The following TRPM3 variants were observed in gnomAD, a reference collection of about 807,000 sequenced individuals.
TRPM3 encodes long transient receptor potential channel 3.
TRPM3 carries 77 observed loss-of-function variants against 181.2 expected under a neutral mutation model. The observed-to-expected ratio is 0.42, with a 90% CI of 0.35 to 0.51. The LOEUF (loss-of-function observed/expected upper bound fraction) is 0.51. Among genes scored for constraint, TRPM3 ranks in the 20% least tolerant of loss-of-function variants. The probability of loss-of-function intolerance (pLI) is 0.01; values close to 1 mark genes in which losing one functional copy is unlikely to be tolerated. For synonymous variants in TRPM3, 745 were observed against 796.4 expected (o/e 0.94, Z 1.09); for missense variants, 1,759 against 2,196.7 (o/e 0.80, Z 3.98).
At chr9:71,172,025 A>G (rs2076888190) in intron 1 of TRPM3, among the ~76,000 whole-genome samples, 1 of 151,994 alleles carries the variant, frequency 6.6e-6, no homozygotes, top group African/African-American at 2.4e-5. Flanking sequence ...CAGCCTCCCA[A>G]GTAGCTGGGA....
At chr9:70,937,193 T>C (rs776323991) in intron 1 of TRPM3, among the ~76,000 whole-genome samples, 4 of 152,190 alleles carry the variant, frequency 2.6e-5, no homozygotes, top group Non-Finnish European at 5.9e-5. Flanking sequence ...TCAAAGTAGC[T>C]AGTTAAAATG....
chr9:70,625,119 A>C lies in TRPM3; in HGVS notation c.1809+72T>G, dbSNP rs907101200. 1.3e-6 allele frequency: 2 copies of C among 1,546,564 alleles called. No individual in the cohort carries two copies. The highest frequency in any genetic ancestry group is 1.8e-6 in the Non-Finnish European group (2 of 1,139,156). On this transcript the variant is annotated intron_variant, in intron 14 of 25. Transcript: ENST00000677713. The surrounding 1 kb of genome is among the most constrained non-coding windows in gnomAD (Gnocchi z 4.8). ...CTGATTTTAATTCCCCTTGGAGACAAAGAAGCCACAACCCAAATCCCATAC... is the reference window on the plus strand; with the variant it reads ...CTGATTTTAATTCCCCTTGGAGACACAGAAGCCACAACCCAAATCCCATAC...
At chr9:70,994,863 T>C (rs2097527526) in intron 1 of TRPM3, among the ~76,000 whole-genome samples, 1 of 152,232 alleles carries the variant, frequency 6.6e-6, no homozygotes, top group South Asian at 2.1e-4. Context: ...AGTTTATTTA[T>C]CCCTGCTGAT....
intron 24 of TRPM3, among the ~76,000 whole-genome samples, chr9:70,551,324 C>T (rs2046396024): frequency 6.6e-6 from 1 of 152,186 alleles, no homozygotes; most frequent in Non-Finnish European, 1.5e-5. Flanking sequence ...CACCCTTTTC[C>T]ACCCAGCCAC....
chr9:71,163,034 T>C (rs1325186042), intron 1 of TRPM3, among the ~76,000 whole-genome samples: 1 of 152,152 alleles, frequency 6.6e-6, no homozygotes, highest in African/African-American at 2.4e-5. Flanking sequence ...AGTGAAAGAA[T>C]AAATGTTAGG....
chr9:70,535,636 T>G lies in TRPM3; in HGVS notation c.*317A>C. The G allele has an allele frequency of 6.9e-7, 1 of 1,454,556 alleles. No homozygotes were observed. The highest frequency in any genetic ancestry group is 9.0e-7 in the Non-Finnish European group (1 of 1,111,048). The allele number at this position is 1,454,556 out of a possible 1,614,324, so 90.1% of individuals were successfully genotyped here. A position where few individuals can be genotyped will look rare whatever the true frequency, so the allele number is the denominator to read the frequency against. ...ATGGAGCGTGCTCGAAGCCCCTTGT[T>G]TCCCCTGCTCTCATGGCTTTCTGCT... On this transcript the variant is annotated 3_prime_UTR_variant, in exon 26 of 26. Transcript: ENST00000677713.
At chr9:71,242,227 G>A (rs2081744820) in intron 1 of TRPM3, among the ~76,000 whole-genome samples, 1 of 152,182 alleles carries the variant, frequency 6.6e-6, no homozygotes, top group South Asian at 2.1e-4. Context: ...TTAAATCAAA[G>A]TACCTCCAGC....
chr9:71,079,158 C>CA (rs1175887023), intron 1 of TRPM3, among the ~76,000 whole-genome samples: 1 of 152,162 alleles, frequency 6.6e-6, no homozygotes, highest in Non-Finnish European at 1.5e-5. Context: ...CCAAACATCT[C>CA]AAAGGAGAGA....
intron 1 of TRPM3, among the ~76,000 whole-genome samples, chr9:71,325,708 T>G (rs2089630404): frequency 6.6e-6 from 1 of 152,042 alleles, no homozygotes; most frequent in South Asian, 2.1e-4. Flanking sequence ...CCCTTCTTTC[T>G]TCTCAACGAT....
At chr9:71,101,928 A>G (rs1471352348) in intron 1 of TRPM3, among the ~76,000 whole-genome samples, 5 of 152,194 alleles carry the variant, frequency 3.3e-5, no homozygotes, top group African/African-American at 1.2e-4. Context: ...TCTCTGGGCC[A>G]TTCAGAAGAA....
At chr9:70,628,584 G>C (rs1344819853) in intron 12 of TRPM3, among the ~76,000 whole-genome samples, 2 of 152,094 alleles carry the variant, frequency 1.3e-5, no homozygotes, top group Non-Finnish European at 2.9e-5. Context: ...CACTTTGGGA[G>C]GCCAAGGTGG....
intron 1 of TRPM3, among the ~76,000 whole-genome samples, chr9:71,270,766 G>A (rs1300704116): frequency 6.6e-6 from 1 of 152,198 alleles, no homozygotes; most frequent in African/African-American, 2.4e-5. Context: ...GGTGGCATGT[G>A]ACTCATGATG....
chr9:71,049,393 CAT>C (rs561121349), intron 1 of TRPM3, among the ~76,000 whole-genome samples: 40 of 152,226 alleles, frequency 2.6e-4, no homozygotes, highest in African/African-American at 8.9e-4. Context: ...AATCCTAGAA[CAT>C]ATATACTGAA....
At chr9:70,795,771 T>C (rs2086867328) in intron 6 of TRPM3, among the ~76,000 whole-genome samples, 2 of 152,212 alleles carry the variant, frequency 1.3e-5, no homozygotes, top group Admixed American at 6.5e-5. Flanking sequence ...ACTTAGCTTT[T>C]TACATAATCA....
chr9:71,085,254 T>A (rs1430606742), intron 1 of TRPM3, among the ~76,000 whole-genome samples: 4 of 151,866 alleles, frequency 2.6e-5, no homozygotes, highest in African/African-American at 9.7e-5. Flanking sequence ...TGAAAGCAAT[T>A]GCAATAAAAC....
intron 1 of TRPM3, among the ~76,000 whole-genome samples, chr9:71,407,304 G>A (rs528039967): frequency 1.3e-5 from 2 of 152,260 alleles, no homozygotes; most frequent in African/African-American, 2.4e-5. Flanking sequence ...ACAAGGGGTT[G>A]GGGAATTCCC....
At chr9:71,403,508 AATG>A (rs1302390251) in intron 1 of TRPM3, among the ~76,000 whole-genome samples, 5 of 152,188 alleles carry the variant, frequency 3.3e-5, no homozygotes, top group Admixed American at 2.0e-4. Context: ...AAAAGATAAT[AATG>A]ATGATCATTT....
chr9:70,837,752 T>C (rs1253766550), intron 5 of TRPM3, among the ~76,000 whole-genome samples: 1 of 152,308 alleles, frequency 6.6e-6, no homozygotes, highest in East Asian at 1.9e-4. Flanking sequence ...CAAGATTCTC[T>C]AGGGACAAAG....
chr9:70,780,284 A>G (rs975175006), intron 7 of TRPM3, among the ~76,000 whole-genome samples: 1 of 152,210 alleles, frequency 6.6e-6, no homozygotes, highest in Admixed American at 6.5e-5. Flanking sequence ...ATTTTTAATC[A>G]TATTTAAGTT....
Sources: gnomAD v4.1 joint callset for allele counts (sites outside exome capture counted in the v4.1 genomes callset) on GRCh38, gnomAD v4.1.1 for gene constraint, Gnocchi (gnomAD v3.1) non-coding constraint, MANE v1.5 for transcripts, NCBI Gene and HGNC (gene_info 2026-07-23, HGNC 2026-07-21) for gene names.